The following CSMD2 variants were observed in gnomAD, a reference collection of about 807,000 sequenced individuals.
CSMD2 encodes CUB and Sushi multiple domains 2, also known as CUB and sushi domain-containing protein 2.
Under a neutral mutation model 398.5 loss-of-function variants are expected in CSMD2, and 130 were observed. The observed-to-expected ratio is 0.33, with a 90% confidence interval of 0.28 to 0.38. CSMD2 has a LOEUF of 0.38. Ranked by LOEUF, CSMD2 falls within the 10% of genes least tolerant of loss-of-function variation. The pLI is 1.00. For synonymous variants in CSMD2, 1,828 were observed against 1,908.5 expected (o/e 0.96, Z 1.10); for missense variants, 3,829 against 4,764.9 (o/e 0.80, Z 5.78).
At chr1:34,137,677 A>T (rs1394432426) in intron 1 of CSMD2, among the ~76,000 whole-genome samples, 5 of 152,156 alleles carry the variant, frequency 3.3e-5, no homozygotes, top group African/African-American at 1.2e-4. Context: ...GGCTAAAGCA[A>T]CTCACAATCC....
At chr1:33,713,701 C>T (rs1646065987) in intron 21 of CSMD2, among the ~76,000 whole-genome samples, 1 of 152,128 alleles carries the variant, frequency 6.6e-6, no homozygotes. Context: ...CTCCCTGCCG[C>T]TTGCTCCAGC....
Position 33,518,881 on chromosome 1 carries a change from A to G in CSMD2, c.*53+584T>C, listed in dbSNP as rs757251570. Reference sequence around the variant, plus strand: ...TACATATAGCTCTACGGAGATGCGTATCTATATATAGATGGATAGGTATGG... The same window carrying G: ...TACATATAGCTCTACGGAGATGCGTGTCTATATATAGATGGATAGGTATGG... On this transcript the variant is annotated intron_variant, in intron 70 of 70. Transcript: ENST00000373381. The surrounding 1 kb of genome is among the most constrained non-coding windows in gnomAD (Gnocchi z 4.3). Among the ~76,000 whole-genome samples the G allele has an allele frequency of 6.6e-6, 1 of 152,196 alleles. No individual in the cohort carries two copies. The highest frequency in any genetic ancestry group is 6.5e-5 in the Admixed American group (1 of 15,280).
intron 3 of CSMD2, among the ~76,000 whole-genome samples, chr1:33,945,419 A>G (rs1009996182): frequency 6.6e-6 from 1 of 152,170 alleles, no homozygotes; most frequent in African/African-American, 2.4e-5. Flanking sequence ...CAAAGACTTC[A>G]ACCTCTTAAA....
chr1:34,045,117 C>T (rs1570924277), intron 2 of CSMD2, among the ~76,000 whole-genome samples: 1 of 151,928 alleles, frequency 6.6e-6, no homozygotes, highest in Middle Eastern at 3.4e-3. Flanking sequence ...TTCCCCTTTG[C>T]ATTTCATCAA....
intron 56 of CSMD2, among the ~76,000 whole-genome samples, chr1:33,547,883 G>C (rs945384382): frequency 7.2e-5 from 11 of 152,216 alleles, no homozygotes; most frequent in Non-Finnish European, 1.5e-4. Flanking sequence ...ACGTGGTTTG[G>C]CTCTGTGTCC....
chr1:33,518,386 C>T lies in CSMD2; in HGVS notation c.*53+1079G>A, dbSNP rs1051635548. Among the ~76,000 whole-genome samples the T allele has an allele frequency of 5.3e-5, 4 of 75,452 alleles. No individual in the cohort carries two copies. Among genetic ancestry groups the T allele is most frequent in the African/African-American group, 2.2e-4 (3 of 13,370 alleles). The allele number at this position is 75,452 out of a possible 152,430, so 49.5% of individuals were successfully genotyped here. A position where few individuals can be genotyped will look rare whatever the true frequency, so the allele number is the denominator to read the frequency against. On this transcript the variant is annotated intron_variant, in intron 70 of 70. Coordinates refer to ENST00000373381, the MANE Select transcript of CSMD2 (RefSeq NM_001281956.2). The surrounding 1 kb of genome is among the most constrained non-coding windows in gnomAD (Gnocchi z 4.3). ...AGATGCATGCCTGTGTGCATGTATG[C>T]GTATGTGTGTGTGTGTGTGTGCATG...
At chr1:34,042,075 ACT>A (rs2148190138) in intron 2 of CSMD2, among the ~76,000 whole-genome samples, 1 of 152,126 alleles carries the variant, frequency 6.6e-6, no homozygotes, top group South Asian at 2.1e-4. Context: ...CCATAATGAA[ACT>A]CTGATCTCAA....
In CSMD2 at chr1:34,061,415, C is replaced by T. The variant is rs553920220; in HGVS notation, c.404+27562G>A. On this transcript the variant is annotated intron_variant, in intron 2 of 70. Coordinates refer to ENST00000373381, the MANE Select transcript of CSMD2 (RefSeq NM_001281956.2). ...CTGGAGCGGCTGGGACACAGGGCAC[C>T]AAGGCTGCCTCACCATGGAAGACCA... Among the ~76,000 whole-genome samples, 3 of 152,260 alleles carry T rather than the reference C, an allele frequency of 2.0e-5. No individual in the cohort carries two copies. The South Asian group carries it at 6.2e-4, about 32-fold the overall frequency.
intron 53 of CSMD2, among the ~76,000 whole-genome samples, chr1:33,560,510 T>A (rs1425843290): frequency 6.6e-6 from 1 of 152,232 alleles, no homozygotes; most frequent in Non-Finnish European, 1.5e-5. Context: ...AGTTCCTGCC[T>A]CAGGGCCTTT....
chr1:33,836,906 T>C (rs1660343079), intron 6 of CSMD2, among the ~76,000 whole-genome samples: 1 of 152,152 alleles, frequency 6.6e-6, no homozygotes, highest in African/African-American at 2.4e-5. Context: ...GTGAGATGCA[T>C]CCAGTACCTC....
chr1:33,760,953 C>A (rs984219756), intron 13 of CSMD2, among the ~76,000 whole-genome samples: 1 of 152,122 alleles, frequency 6.6e-6, no homozygotes, highest in South Asian at 2.1e-4. Context: ...GATCCTCAGT[C>A]CCTCCTCTCC....
intron 19 of CSMD2, among the ~76,000 whole-genome samples, chr1:33,719,715 T>C (rs981373599): frequency 5.9e-5 from 9 of 152,202 alleles, no homozygotes; most frequent in Admixed American, 5.2e-4. Flanking sequence ...AGGTCTTGGC[T>C]AAGGTTGCTT....
At position 33,614,506 on chromosome 1, in the gene CSMD2, A is replaced by G; in HGVS notation, c.6131T>C (p.Phe2044Ser). 1 of 1,581,562 alleles carries G rather than the reference A, an allele frequency of 6.3e-7. No homozygotes were observed. The highest frequency in any genetic ancestry group is 8.7e-7 in the Non-Finnish European group (1 of 1,150,330). ...CSWKIALPVG[F>S]GAHIQFLNFS... ...CTCTGGGGGCTGCAGAGACTTACCA[A>G]AGCCCACGGGCAGTGCTATTTTCCA... Residue 2044 changes from phenylalanine to serine, a missense_variant and splice_region_variant, in exon 40 of 71, where the codon TTT (phenylalanine) becomes TCT (serine). By Grantham distance (155) the Phe-to-Ser change is radical. Transcript: ENST00000373381.
At chr1:33,558,017 G>A in intron 54 of CSMD2, 95 bp from the exon 55 acceptor site, 1 of 1,156,394 alleles carries the variant, frequency 8.6e-7, no homozygotes, top group Admixed American at 2.1e-5. Flanking sequence ...TGTCGGGAGG[G>A]TGAGCTGGTC....
intron 51 of CSMD2, 69 bp from the exon 52 acceptor site, chr1:33,569,616 A>G: frequency 1.3e-6 from 2 of 1,497,584 alleles, no homozygotes; most frequent in Non-Finnish European, 1.8e-6. Context: ...CTGCTTAGCA[A>G]GAACTGTGAC....
intron 1 of CSMD2, among the ~76,000 whole-genome samples, chr1:34,142,499 G>A (rs1267369717): frequency 6.6e-6 from 1 of 152,212 alleles, no homozygotes; most frequent in Non-Finnish European, 1.5e-5. Flanking sequence ...CTCTGTTCAA[G>A]GCAGGCAGAA....
At position 33,542,882 on chromosome 1, in the gene CSMD2, TC is replaced by T; in HGVS notation, c.9114del (p.Asn3039ThrfsTer56). 6.2e-7 allele frequency: 1 copy of T among 1,614,076 alleles called. No homozygotes were observed. Among genetic ancestry groups the T allele is most frequent in the Non-Finnish European group, 8.5e-7 (1 of 1,179,996 alleles). On this transcript the variant is annotated frameshift_variant, in exon 58 of 71. Transcript: ENST00000373381. LOFTEE classifies it high-confidence loss of function. The stretch of plus-strand genomic sequence containing the variant: ...CGGGCATTACTTGGAGTCCCAGGGT[TC>T]CCACAAGAGATCACTAGGAAGACAA... ...SQPECGVISC[G>X]NPGTPSNARV...
Position 33,897,388 on chromosome 1 carries a change from T to A in CSMD2, c.920+20706A>T, listed in dbSNP as rs1642459972. 2.0e-5 allele frequency among the ~76,000 whole-genome samples: 3 copies of A among 152,330 alleles called. No individual in the cohort carries two copies. The South Asian group carries it at 6.2e-4, about 32-fold the overall frequency. On this transcript the variant is annotated intron_variant, in intron 5 of 70. Coordinates refer to ENST00000373381, the MANE Select transcript of CSMD2 (RefSeq NM_001281956.2). ...TGCTGAGTGATGCTGGGACTCAATT[T>A]CCTCATCTGTGGAATCTGGCAACTG...
chr1:33,965,456 C>G lies in CSMD2; in HGVS notation c.518-29502G>C, dbSNP rs1433584008. 2.0e-5 allele frequency among the ~76,000 whole-genome samples: 3 copies of G among 152,192 alleles called. No individual in the cohort carries two copies. In the East Asian group the frequency reaches 5.8e-4, roughly 29 times the overall value. On this transcript the variant is annotated intron_variant, in intron 3 of 70. Transcript: ENST00000373381. ...TTGGGTGCTGGTGACCCTCTCCATA[C>G]TTTCAAGTTGCTCCAGCCAAGGCCA...
Sources: gnomAD v4.1 joint callset for allele counts (sites outside exome capture counted in the v4.1 genomes callset) on GRCh38, gnomAD v4.1.1 for gene constraint, Gnocchi (gnomAD v3.1) non-coding constraint, MANE v1.5 for transcripts, NCBI Gene and HGNC (gene_info 2026-07-23, HGNC 2026-07-21) for gene names.